The following PCDH15 variants were observed in gnomAD, a reference collection of about 807,000 sequenced individuals.
PCDH15 encodes the protein protocadherin-15.
In PCDH15, 129 loss-of-function variants were observed where a neutral mutation model predicts 178.5. The observed-to-expected ratio is 0.72, with a 90% CI of 0.63 to 0.84. The LOEUF is 0.84. Among genes scored for constraint, PCDH15 ranks in the 40% least tolerant of loss-of-function variants. PCDH15 has a pLI of 0.00. For synonymous variants in PCDH15, 800 were observed against 732.0 expected (o/e 1.09, Z -1.50); for missense variants, 2,230 against 2,099.9 (o/e 1.06, Z -1.21).
At chr10:55,603,279 G>C (rs1256284807) in intron 2 of PCDH15, among the ~76,000 whole-genome samples, 3 of 151,156 alleles carry the variant, frequency 2.0e-5, no homozygotes, top group Admixed American at 6.6e-5. Context: ...TGGTGTACCT[G>C]AAAGTGATGG....
chr10:54,243,131 G>A (rs1487369606), intron 8 of PCDH15, among the ~76,000 whole-genome samples: 4 of 152,256 alleles, frequency 2.6e-5, no homozygotes, highest in Non-Finnish European at 5.9e-5. Flanking sequence ...AATTTTGTGT[G>A]TTCTTTACAT....
chr10:54,410,419 T>C (rs537089076), intron 3 of PCDH15, among the ~76,000 whole-genome samples: 114 of 152,272 alleles, frequency 7.5e-4, no homozygotes, highest in Non-Finnish European at 1.3e-3. Context: ...TTTTAGACTT[T>C]GCTTGACTGG....
At chr10:55,586,179 T>C (rs1451108661) in intron 2 of PCDH15, among the ~76,000 whole-genome samples, 5 of 152,108 alleles carry the variant, frequency 3.3e-5, no homozygotes, top group Admixed American at 3.3e-4. Flanking sequence ...CTAATAGATA[T>C]AGAAACAGAT....
intron 17 of PCDH15, among the ~76,000 whole-genome samples, chr10:54,069,886 G>A (rs2094207066): frequency 6.6e-6 from 1 of 152,068 alleles, no homozygotes; most frequent in Non-Finnish European, 1.5e-5. Flanking sequence ...ATTAACACAT[G>A]TTCACAATTA....
intron 2 of PCDH15, among the ~76,000 whole-genome samples, chr10:55,028,664 T>C (rs1840534432): frequency 6.6e-6 from 1 of 151,986 alleles, no homozygotes; most frequent in South Asian, 2.1e-4. Flanking sequence ...CATCTGAGCA[T>C]AAAAGGAATT....
At chr10:54,963,673 T>C (rs1838711898) in intron 2 of PCDH15, among the ~76,000 whole-genome samples, 1 of 152,236 alleles carries the variant, frequency 6.6e-6, no homozygotes, top group South Asian at 2.1e-4. Context: ...GATCCTAACC[T>C]GGTTATTTTG....
chr10:54,641,782 C>G (rs138366032), intron 2 of PCDH15, among the ~76,000 whole-genome samples: 1 of 152,170 alleles, frequency 6.6e-6, no homozygotes, highest in African/African-American at 2.4e-5. Context: ...CACAAATCCA[C>G]TCTCTTCACT....
At chr10:54,139,948 C>T (rs1171231555) in intron 14 of PCDH15, among the ~76,000 whole-genome samples, 2 of 151,754 alleles carry the variant, frequency 1.3e-5, no homozygotes, top group African/African-American at 4.8e-5. Context: ...AAATCTAAGA[C>T]AAAACAAAAG....
intron 2 of PCDH15, among the ~76,000 whole-genome samples, chr10:55,122,007 G>A (rs528384545): frequency 6.6e-6 from 1 of 152,260 alleles, no homozygotes; most frequent in Non-Finnish European, 1.5e-5. Flanking sequence ...CATTTTCTCA[G>A]TGAAGTGTAA....
In PCDH15 at chr10:55,119,721, G is replaced by C. The variant is rs375973439; in HGVS notation, c.-80+46855C>G. On this transcript the variant is annotated intron_variant, in intron 2 of 5. Transcript: ENST00000458638. ...TATTGCCCAAATGGCCTGTAACTAT[G>C]TTCCTCTCAGGAGGGAAGTAATATT... 8.1e-4 allele frequency among the ~76,000 whole-genome samples: 124 copies of C among 152,270 alleles called. 2 individuals are homozygous for C. In the South Asian group the frequency reaches 0.021, roughly 25 times the overall value.
intron 2 of PCDH15, among the ~76,000 whole-genome samples, chr10:55,381,860 A>G (rs1327718796): frequency 6.6e-6 from 1 of 152,104 alleles, no homozygotes; most frequent in African/African-American, 2.4e-5. Flanking sequence ...CCATCATCCC[A>G]TCCAATCCCA....
intron 2 of PCDH15, chr10:54,656,052 G>T (rs546890980): frequency 6.6e-6 from 1 of 152,032 alleles, no homozygotes; most frequent in Non-Finnish European, 1.5e-5. Context: ...GCCATCTAAC[G>T]AAAACAATGT....
intron 1 of PCDH15, among the ~76,000 whole-genome samples, chr10:54,757,945 A>G (rs558888060): frequency 1.3e-5 from 2 of 151,586 alleles, no homozygotes; most frequent in South Asian, 4.2e-4. Flanking sequence ...TGCCTGAAAA[A>G]CTCACTGTAA....
intron 2 of PCDH15, among the ~76,000 whole-genome samples, chr10:55,396,636 G>A (rs150988983): frequency 6.6e-6 from 1 of 152,294 alleles, no homozygotes; most frequent in Non-Finnish European, 1.5e-5. Flanking sequence ...AATGTGAGCT[G>A]CTTTTCAAAA....
chr10:55,220,505 G>A (rs761788885), intron 1 of PCDH15, among the ~76,000 whole-genome samples: 14 of 151,970 alleles, frequency 9.2e-5, no homozygotes, highest in African/African-American at 4.8e-5. Context: ...ACATTATAGA[G>A]TATACTTACA....
intron 2 of PCDH15, among the ~76,000 whole-genome samples, chr10:54,989,522 G>A (rs920158706): frequency 3.3e-5 from 5 of 152,184 alleles, no homozygotes; most frequent in Non-Finnish European, 5.9e-5. Context: ...ACCTGGATGT[G>A]AGACATGGAG....
chr10:55,237,847 TAAC>T (rs779459629), intron 1 of PCDH15, among the ~76,000 whole-genome samples: 1 of 152,036 alleles, frequency 6.6e-6, no homozygotes, highest in Non-Finnish European at 1.5e-5. Context: ...AAATGGAACA[TAAC>T]AACACATTAT....
chr10:53,997,896 G>T (rs919854505), intron 20 of PCDH15, among the ~76,000 whole-genome samples: 4 of 152,072 alleles, frequency 2.6e-5, no homozygotes, highest in Non-Finnish European at 5.9e-5. Context: ...CATACTTTGG[G>T]GTTATAATCT....
In PCDH15 at chr10:54,202,667, C is replaced by T. The variant is rs112673699; in HGVS notation, c.1099-6778G>A. Among the ~76,000 whole-genome samples, 1,493 of 151,986 alleles carry T rather than the reference C, an allele frequency of 9.8e-3. 22 individuals are homozygous for T. The highest frequency in any genetic ancestry group is 0.033 in the African/African-American group (1,388 of 41,452). ...GTGTCTACTAAAAATACACAATTAG[C>T]CGGGCATGGCGCTGCATGCCTGTAA... is the stretch of plus-strand genomic sequence containing the variant. On this transcript the variant is annotated intron_variant, in intron 10 of 37. Coordinates refer to ENST00000644397, the MANE Select transcript of PCDH15 (RefSeq NM_001384140.1).
Sources: allele counts gnomAD v4.1 joint callset (sites outside exome capture counted in the v4.1 genomes callset), GRCh38; gene constraint gnomAD v4.1.1; transcripts MANE v1.5; gene names NCBI Gene and HGNC (gene_info 2026-07-23, HGNC 2026-07-21).